The following AKIRIN1 variants were observed in gnomAD, a reference collection of about 807,000 sequenced individuals.
The protein encoded by AKIRIN1 is akirin 1.
A neutral mutation model predicts 25.9 loss-of-function variants in AKIRIN1; 4 were observed. The observed-to-expected ratio is 0.15, with a 90% confidence interval of 0.08 to 0.35. The LOEUF is 0.35. Ranked by LOEUF, AKIRIN1 falls within the 10% of genes least tolerant of loss-of-function variation. The pLI is 1.00. For missense variants in AKIRIN1, 243 were observed against 266.1 expected, an observed-to-expected ratio of 0.91 and a Z score of 0.61; for synonymous variants, 125 against 105.1, an observed-to-expected ratio of 1.19 and a Z score of -1.16.
chr1:38,995,849 A>G (rs145525808), intron 1 of AKIRIN1, among the ~76,000 whole-genome samples: 2,669 of 152,230 alleles, frequency 0.018, 72 homozygotes, highest in African/African-American at 0.058. Flanking sequence ...CCTGGCCAAC[A>G]TTGTGAAACT....
intron 3 of AKIRIN1, 22 bp from the exon 4 acceptor site, chr1:39,003,325 A>G (rs1218566783): frequency 2.5e-6 from 4 of 1,609,464 alleles, no homozygotes; most frequent in Admixed American, 1.7e-5. Flanking sequence ...GCTGAGGATA[A>G]GTATGTACTG....
At position 39,002,452 on chromosome 1, in the gene AKIRIN1, C is replaced by T. The variant is rs4147757; in HGVS notation, c.497-895C>T. ...TGTATTATAAGAAGAAGGTCTAGGCCGGGCGCAGTGGCTCACGCCTGTAAT... is the reference window on the plus strand; with the variant it reads ...TGTATTATAAGAAGAAGGTCTAGGCTGGGCGCAGTGGCTCACGCCTGTAAT... On this transcript the variant is annotated intron_variant, in intron 3 of 4. Coordinates refer to ENST00000432648, the MANE Select transcript of AKIRIN1 (RefSeq NM_024595.3). 2.3e-3 allele frequency among the ~76,000 whole-genome samples: 347 copies of T among 152,230 alleles called. 2 individuals are homozygous for T. The highest frequency in any genetic ancestry group is 4.1e-3 in the Non-Finnish European group (282 of 68,030).
At chr1:38,998,069 CT>C in intron 1 of AKIRIN1, 101 bp from the exon 2 acceptor site, 1 of 1,308,842 alleles carries the variant, frequency 7.6e-7, no homozygotes, top group Non-Finnish European at 1.0e-6. Flanking sequence ...AAGGGAGTAT[CT>C]AAAGTCTAGT....
In AKIRIN1 at chr1:38,997,949, T is replaced by C. The variant is rs987297760; in HGVS notation, c.221-222T>C. ...GCTATTCTTTTATGCATTGTTGAAA[T>C]AGTGGCAATAAGAACATACTGTCTT... On this transcript the variant is annotated intron_variant, in intron 1 of 4. Coordinates refer to ENST00000432648, the MANE Select transcript of AKIRIN1 (RefSeq NM_024595.3). 4.6e-5 allele frequency among the ~76,000 whole-genome samples: 7 copies of C among 152,288 alleles called. No individual in the cohort carries two copies. In the South Asian group the frequency reaches 6.2e-4, roughly 14 times the overall value.
chr1:39,001,892 TAAG>T (rs1467015433), intron 3 of AKIRIN1, among the ~76,000 whole-genome samples: 3 of 152,044 alleles, frequency 2.0e-5, no homozygotes, highest in Non-Finnish European at 4.4e-5. Flanking sequence ...ACTTCCTAGT[TAAG>T]AAGTCATAGT....
chr1:38,992,359 G>T (rs528011791), intron 1 of AKIRIN1, among the ~76,000 whole-genome samples: 7 of 152,236 alleles, frequency 4.6e-5, no homozygotes, highest in East Asian at 1.9e-4. Context: ...ACCTCATAGC[G>T]CAGGAGTAGA....
chr1:38,993,229 A>G (rs1350704905), intron 1 of AKIRIN1, among the ~76,000 whole-genome samples: 2 of 152,228 alleles, frequency 1.3e-5, no homozygotes, highest in Admixed American at 1.3e-4. Flanking sequence ...ATTTGGTTGT[A>G]GTTCACATTA....
chr1:38,997,885 A>T (rs190990585), intron 1 of AKIRIN1, among the ~76,000 whole-genome samples: 8 of 144,908 alleles, frequency 5.5e-5, no homozygotes, highest in Non-Finnish European at 1.5e-5. Context: ...GCCACAGGAA[A>T]ACAAGTAAAG....
intron 4 of AKIRIN1, 57 bp from the exon 5 acceptor site, chr1:39,003,988 A>G (rs1242047122): frequency 1.3e-6 from 2 of 1,499,346 alleles, no homozygotes; most frequent in Non-Finnish European, 1.8e-6. Context: ...TTTTTAAAGC[A>G]TGACACTACA....
chr1:39,005,863 A>G lies in AKIRIN1; in HGVS notation c.*1808A>G, dbSNP rs1570979468. Reference sequence around the variant, plus strand: ...ATAGTGTTAACAAGCTTAGTTGCAAACAAATAAAATACTTAAGCTATTTGT... The same window carrying G: ...ATAGTGTTAACAAGCTTAGTTGCAAGCAAATAAAATACTTAAGCTATTTGT... On this transcript the variant is annotated 3_prime_UTR_variant, in exon 5 of 5. Transcript: ENST00000432648. The G allele has an allele frequency of 1.3e-5, 2 of 152,316 alleles. No individual in the cohort carries two copies. The highest frequency in any genetic ancestry group is 3.9e-4 in the East Asian group (2 of 5,186). 9.4% of individuals were successfully genotyped at this position (152,316 alleles called of 1,614,324 possible).
chr1:38,991,951 A>G (rs1430395231), intron 1 of AKIRIN1, among the ~76,000 whole-genome samples: 1 of 124,506 alleles, frequency 8.0e-6, no homozygotes, highest in Non-Finnish European at 1.6e-5. Context: ...CTGCAGATCC[A>G]GTGGGCCATG....
In AKIRIN1 at chr1:39,000,956, T is replaced by C. The variant is rs773552094; in HGVS notation, c.362-16T>C. 7 of 1,604,488 alleles carry C rather than the reference T, an allele frequency of 4.4e-6. No individual in the cohort carries two copies. The highest frequency in any genetic ancestry group is 6.0e-6 in the Non-Finnish European group (7 of 1,176,184). ...ACCACCGCACCTGGCCCAAACTCAC[T>C]TTTTCTTTTGGCCAGGTTCCTCATG... On this transcript the variant is annotated splice_polypyrimidine_tract_variant and intron_variant, in intron 2 of 4. Transcript: ENST00000432648.
chr1:39,000,980 T>C lies in AKIRIN1; in HGVS notation c.370T>C (p.Trp124Arg), dbSNP rs189243808. The C allele has an allele frequency of 1.6e-5, 25 of 1,610,996 alleles. No individual in the cohort carries two copies. Among genetic ancestry groups the C allele is most frequent in the East Asian group, 4.5e-5 (2 of 44,800 alleles). ...CTTTTTCTTTTGGCCAGGTTCCTCATGGATGAAGAAGGACCAGCCCACATT... is the reference window on the plus strand; with the variant it reads ...CTTTTTCTTTTGGCCAGGTTCCTCACGGATGAAGAAGGACCAGCCCACATT... ...LTAPSSPGSS[W>R]MKKDQPTFTL... The change falls in exon 3 of 5, where the codon TGG (tryptophan) becomes CGG (arginine). Residue 124 changes from tryptophan to arginine, a missense_variant. Trp to Arg is a moderately radical substitution (Grantham distance 101, BLOSUM62 -3). Transcript: ENST00000432648.
In AKIRIN1 at chr1:38,993,333, G is replaced by C. The variant is rs1643922991; in HGVS notation, c.220+1733G>C. 2.0e-5 allele frequency among the ~76,000 whole-genome samples: 3 copies of C among 151,886 alleles called. No individual in the cohort carries two copies. In the South Asian group the frequency reaches 6.2e-4, roughly 32 times the overall value. ...GGAGGCCATGGTGGGTGGATCAAGA[G>C]ACCGAGACCATCCTGGCCAACATGG... On this transcript the variant is annotated intron_variant, in intron 1 of 4. Coordinates refer to ENST00000432648, the MANE Select transcript of AKIRIN1 (RefSeq NM_024595.3).
At chr1:38,998,123 G>A (rs540682015) in intron 1 of AKIRIN1, 48 bp from the exon 2 acceptor site, 1 of 1,569,852 alleles carries the variant, frequency 6.4e-7, no homozygotes, top group African/African-American at 1.4e-5. Context: ...AAAGTTTGAA[G>A]AAATGAGACA....
chr1:38,991,665 GGGGAGGGTT>G, intron 1 of AKIRIN1, 65 bp downstream of exon 1: 6 of 948,976 alleles, frequency 6.3e-6, no homozygotes, highest in South Asian at 3.0e-5. Context: ...GGGGGTGGTG[GGGGAGGGTT>G]GGGAATACCA....
chr1:39,000,896 C>T, intron 2 of AKIRIN1, 76 bp from the exon 3 acceptor site: 1 of 1,478,496 alleles, frequency 6.8e-7, no homozygotes, highest in Non-Finnish European at 9.1e-7. Context: ...ATCCGCCTGC[C>T]TTGGCCTCCC....
intron 3 of AKIRIN1, among the ~76,000 whole-genome samples, chr1:39,001,355 C>G (rs1163765318): frequency 6.7e-6 from 1 of 150,216 alleles, no homozygotes; most frequent in Non-Finnish European, 1.5e-5. Flanking sequence ...CCTCCGCCTG[C>G]CAGGTTCTAA....
chr1:39,005,417 G>A lies in AKIRIN1; in HGVS notation c.*1362G>A, dbSNP rs1357916287. 5.9e-5 allele frequency: 9 copies of A among 151,956 alleles called. No homozygotes were observed. The highest frequency in any genetic ancestry group is 7.3e-5 in the Non-Finnish European group (5 of 68,030). The allele number at this position is 151,956 out of a possible 1,614,324, so 9.4% of individuals were successfully genotyped here. A position where few individuals can be genotyped will look rare whatever the true frequency, so the allele number is the denominator to read the frequency against. On this transcript the variant is annotated 3_prime_UTR_variant, in exon 5 of 5. Transcript: ENST00000432648. ...GCTTTGTTTTGGCAACCCCCTGCCCGAAGTCGCATATAGGCTGTTCTTCAC... is the reference window on the plus strand; with the variant it reads ...GCTTTGTTTTGGCAACCCCCTGCCCAAAGTCGCATATAGGCTGTTCTTCAC...
Sources: allele counts gnomAD v4.1 joint callset (sites outside exome capture counted in the v4.1 genomes callset), GRCh38; gene constraint gnomAD v4.1.1; transcripts MANE v1.5; gene names NCBI Gene and HGNC (gene_info 2026-07-23, HGNC 2026-07-21).